UNC45B: variants seen among roughly 807,000 people sequenced by gnomAD.
The protein encoded by UNC45B is protein unc-45 homolog B.
In UNC45B, 78 loss-of-function variants were observed where a neutral mutation model predicts 98.7. The ratio of observed to expected loss-of-function variants is 0.79; its 90% CI spans 0.66 to 0.95. UNC45B has a LOEUF of 0.95. Among genes scored for constraint, UNC45B ranks in the 40% least tolerant of loss-of-function variants. The probability of loss-of-function intolerance (pLI) is 0.00; values close to 1 mark genes in which losing one functional copy is unlikely to be tolerated. For synonymous variants in UNC45B, 462 were observed against 480.4 expected (o/e 0.96, Z 0.50); for missense variants, 1,225 against 1,184.9 (o/e 1.03, Z -0.50).
chr17:35,171,663 A>C (rs1467833911), intron 13 of UNC45B, among the ~76,000 whole-genome samples: 1 of 152,146 alleles, frequency 6.6e-6, no homozygotes, highest in Non-Finnish European at 1.5e-5. Context: ...TTTATTTTCT[A>C]TTTTGAAAAA....
chr17:35,157,349 C>T (rs1195955157), intron 7 of UNC45B, among the ~76,000 whole-genome samples: 1 of 152,044 alleles, frequency 6.6e-6, no homozygotes, highest in African/African-American at 2.4e-5. Flanking sequence ...AAGCGATTCT[C>T]CTGCCTCAGC....
chr17:35,157,327 C>T (rs2092070766), intron 7 of UNC45B, among the ~76,000 whole-genome samples: 1 of 152,176 alleles, frequency 6.6e-6, no homozygotes, highest in Non-Finnish European at 1.5e-5. Flanking sequence ...GCAACCTCCA[C>T]CTCCCGGGTT....
At chr17:35,178,873 C>G (rs1355433560) in intron 17 of UNC45B, among the ~76,000 whole-genome samples, 2 of 152,062 alleles carry the variant, frequency 1.3e-5, no homozygotes, top group African/African-American at 4.8e-5. Flanking sequence ...ATTTCTGAGG[C>G]CTCTGTTCTG....
chr17:35,179,482 C>T (rs926668195), intron 17 of UNC45B, among the ~76,000 whole-genome samples: 3 of 152,132 alleles, frequency 2.0e-5, no homozygotes, highest in Non-Finnish European at 1.5e-5. Flanking sequence ...TTCACAATAG[C>T]AAAGACTTGG....
At chr17:35,153,657 A>G (rs2092037208) in intron 5 of UNC45B, among the ~76,000 whole-genome samples, 1 of 152,168 alleles carries the variant, frequency 6.6e-6, no homozygotes, top group African/African-American at 2.4e-5. Flanking sequence ...TGAGAACATA[A>G]TAAGTTGTTA....
chr17:35,171,737 T>G (rs1383555428), intron 13 of UNC45B, among the ~76,000 whole-genome samples: 6 of 152,256 alleles, frequency 3.9e-5, no homozygotes, highest in Non-Finnish European at 8.8e-5. Context: ...CAATTTGTGT[T>G]GTTGATTTTA....
chr17:35,162,888 T>A (rs945768476), intron 8 of UNC45B, among the ~76,000 whole-genome samples: 1 of 152,162 alleles, frequency 6.6e-6, no homozygotes, highest in Non-Finnish European at 1.5e-5. Flanking sequence ...TTCCCTGTAC[T>A]ACACAAGGTC....
Position 35,169,867 on chromosome 17 carries a change from A to T in UNC45B, c.1483A>T (p.Thr495Ser), listed in dbSNP as rs761514739. 15 of 1,614,054 alleles carry T rather than the reference A, an allele frequency of 9.3e-6. No homozygotes were observed. Among genetic ancestry groups the T allele is most frequent in the Non-Finnish European group, 8.5e-7 (1 of 1,180,042 alleles). Reference protein sequence around the residue: ...GLCKLGSAGGTDYGLRQFAEG... With the variant: ...GLCKLGSAGGSDYGLRQFAEG... ...CTGTAAGCTCGGCTCTGCAGGTGGC[A>T]CAGACTACGGTCTCAGGCAGTTTGC... The change falls in exon 11 of 20, where the codon ACA becomes TCA. Residue 495 changes from threonine (T) to serine (S), a missense_variant. Thr to Ser is a moderately conservative substitution (Grantham distance 58). Coordinates refer to ENST00000394570, the MANE Select transcript of UNC45B (RefSeq NM_001267052.2).
In UNC45B at chr17:35,171,431, C is replaced by T; in HGVS notation, c.1799C>T (p.Ser600Phe). 6.2e-7 allele frequency: 1 copy of T among 1,614,162 alleles called. No homozygotes were observed. Among genetic ancestry groups the T allele is most frequent in the Non-Finnish European group, 8.5e-7 (1 of 1,180,016 alleles). Residue 600 changes from serine (S) to phenylalanine (F), a missense_variant, in exon 13 of 20, where the codon TCC (serine) becomes TTC (phenylalanine). Ser to Phe is a radical substitution (Grantham distance 155). Transcript: ENST00000394570. The stretch of plus-strand genomic sequence containing the variant: ...GAGCTTGTCCAGCTCGCCAAGTTCT[C>T]CAAGCAGCATGTGCCCGAGGAACAC... The part of the protein sequence containing the change: ...IPELVQLAKF[S>F]KQHVPEEHPK...
At chr17:35,178,983 C>A (rs2092255342) in intron 17 of UNC45B, among the ~76,000 whole-genome samples, 1 of 151,922 alleles carries the variant, frequency 6.6e-6, no homozygotes, top group Non-Finnish European at 1.5e-5. Context: ...GATACCTGAC[C>A]CTGATGATGC....
Position 35,168,166 on chromosome 17 carries a change from GA to G in UNC45B, c.1260del (p.Gly421ValfsTer2). On this transcript the variant is annotated frameshift_variant, in exon 10 of 20. Coordinates refer to ENST00000394570, the MANE Select transcript of UNC45B (RefSeq NM_001267052.2). LOFTEE classifies it high-confidence loss of function. ...FDLGNQLLGL[K>X]GVMEMMVALC... is the part of the protein sequence containing the mutation. The stretch of plus-strand genomic sequence containing the variant: ...ACCTGGGCAACCAGCTGCTGGGACT[GA>G]AAGGTGTGATGGAGATGATGGTGGC... The G allele has an allele frequency of 6.2e-7, 1 of 1,607,490 alleles. No homozygotes were observed. Among genetic ancestry groups the G allele is most frequent in the South Asian group, 1.1e-5 (1 of 90,096 alleles).
chr17:35,169,778 A>AT, intron 10 of UNC45B, 59 bp from the exon 11 acceptor site: 1 of 1,485,622 alleles, frequency 6.7e-7, no homozygotes, highest in South Asian at 1.1e-5. Flanking sequence ...GCAAGGCTTC[A>AT]TCCCCAAGCC....
At chr17:35,152,857 A>T in intron 4 of UNC45B, 36 bp from the exon 5 acceptor site, 2 of 1,554,746 alleles carry the variant, frequency 1.3e-6, no homozygotes, top group Non-Finnish European at 1.8e-6. Context: ...CGTGGACCCC[A>T]CCTGCCTCCT....
Position 35,186,587 on chromosome 17 carries a change from G to T in UNC45B, c.*28G>T. ...AGCGACCCTCAGGGATGCTGGGAGT[G>T]GTCCTGTACTGTGCAGAGTCCTGGG... is the stretch of plus-strand genomic sequence containing the variant. On this transcript the variant is annotated 3_prime_UTR_variant, in exon 20 of 20. Transcript: ENST00000394570. 1 of 1,611,286 alleles carries T rather than the reference G, an allele frequency of 6.2e-7. No homozygotes were observed. The highest frequency in any genetic ancestry group is 8.5e-7 in the Non-Finnish European group (1 of 1,178,290).
chr17:35,153,005 C>T, intron 5 of UNC45B, 23 bp downstream of exon 5: 1 of 1,543,148 alleles, frequency 6.5e-7, no homozygotes, highest in Non-Finnish European at 8.8e-7. Flanking sequence ...CAGTGCCATC[C>T]AGCCAGCAGA....
In UNC45B at chr17:35,148,435, TG is replaced by T; in HGVS notation, c.168+8del. ...GGCAGCCTGTGGCCTGAAAACGGTC[TG>T]GGGCAGGGCAGGGCACAGGGTGGGA... On this transcript the variant is annotated splice_donor_5th_base_variant and intron_variant, in intron 2 of 19. Coordinates refer to ENST00000394570, the MANE Select transcript of UNC45B (RefSeq NM_001267052.2). 2 of 1,613,406 alleles carry T rather than the reference TG, an allele frequency of 1.2e-6. No individual in the cohort carries two copies. The highest frequency in any genetic ancestry group is 1.7e-6 in the Non-Finnish European group (2 of 1,179,812).
In UNC45B at chr17:35,156,550, G is replaced by A. The variant is rs546055331; in HGVS notation, c.808+1086G>A. Among the ~76,000 whole-genome samples the A allele has an allele frequency of 2.8e-4, 43 of 152,128 alleles. 1 individual carries two copies. Among genetic ancestry groups the A allele is most frequent in the East Asian group, 9.7e-4 (5 of 5,166 alleles). On this transcript the variant is annotated intron_variant, in intron 7 of 19. Coordinates refer to ENST00000394570, the MANE Select transcript of UNC45B (RefSeq NM_001267052.2). ...CTGAAGCAGAAGAATCGTTTGAGCC[G>A]GGGAGGCGAAGTTTGCAGTGAGCCG...
chr17:35,167,958 T>C (rs1597920019), intron 9 of UNC45B, 103 bp from the exon 10 acceptor site: 2 of 1,143,892 alleles, frequency 1.7e-6, no homozygotes, highest in East Asian at 5.6e-5. Flanking sequence ...AGCACATGAG[T>C]GGTGGAGCCA....
Position 35,148,423 on chromosome 17 carries a change from C to G in UNC45B, c.160C>G (p.Leu54Val). ...TTATCGGAACCGGGCAGCCTGTGGCCTGAAAACGGTCTGGGGCAGGGCAGG... is the reference window on the plus strand; with the variant it reads ...TTATCGGAACCGGGCAGCCTGTGGCGTGAAAACGGTCTGGGGCAGGGCAGG... The part of the protein sequence containing the change: ...TLYRNRAACG[L>V]KTESYVQAAS... Residue 54 changes from leucine (L) to valine (V), a missense_variant, in exon 2 of 20, where the codon CTG becomes GTG. Leu to Val is a conservative substitution (Grantham distance 32). Coordinates refer to ENST00000394570, the MANE Select transcript of UNC45B (RefSeq NM_001267052.2). The G allele has an allele frequency of 5.0e-6, 8 of 1,613,714 alleles. No individual in the cohort carries two copies. The highest frequency in any genetic ancestry group is 6.8e-6 in the Non-Finnish European group (8 of 1,179,932).
Sources: allele counts gnomAD v4.1 joint callset (sites outside exome capture counted in the v4.1 genomes callset), GRCh38; gene constraint gnomAD v4.1.1; transcripts MANE v1.5; gene names NCBI Gene and HGNC (gene_info 2026-07-23, HGNC 2026-07-21).